Variants in CTNNA3 observed in about 807,000 individuals in gnomAD.
CTNNA3 encodes the protein catenin alpha 3.
Under a neutral mutation model 95.7 loss-of-function variants are expected in CTNNA3, and 76 were observed. The ratio of observed to expected loss-of-function variants is 0.79; its 90% CI spans 0.66 to 0.96. The LOEUF is 0.96. Among genes scored for constraint, CTNNA3 ranks in the 40% least tolerant of loss-of-function variants. The pLI is 0.00. For synonymous variants in CTNNA3, 431 were observed against 374.4 expected (o/e 1.15, Z -1.74); for missense variants, 1,191 against 1,089.8 (o/e 1.09, Z -1.31).
At chr10:66,271,513 A>G (rs573441694) in intron 13 of CTNNA3, among the ~76,000 whole-genome samples, 4 of 152,362 alleles carry the variant, frequency 2.6e-5, no homozygotes, top group African/African-American at 9.6e-5. Context: ...TTATAATAGT[A>G]TGACATTTAA....
intron 15 of CTNNA3, among the ~76,000 whole-genome samples, chr10:66,031,151 T>C (rs2079441733): frequency 6.6e-6 from 1 of 152,120 alleles, no homozygotes; most frequent in Non-Finnish European, 1.5e-5. Flanking sequence ...CGATTGGAGA[T>C]TCCTCAGAGA....
In CTNNA3 at chr10:66,094,384, AG is replaced by A. The variant is rs1185244781; in HGVS notation, c.1977+8772del. On this transcript the variant is annotated intron_variant, in intron 14 of 17. Transcript: ENST00000433211. ...GCAAGGGGTGACACTAAGACCTAAAAGGGCTTTTATGTATGATGATAGATGA... is the reference window on the plus strand; with the variant it reads ...GCAAGGGGTGACACTAAGACCTAAAAGGCTTTTATGTATGATGATAGATGA... Among the ~76,000 whole-genome samples, 90 of 152,228 alleles carry A rather than the reference AG, an allele frequency of 5.9e-4. 1 individual carries two copies. The highest frequency in any genetic ancestry group is 2.0e-3 in the African/African-American group (84 of 41,550).
At chr10:66,354,591 G>A (rs1480793692) in intron 12 of CTNNA3, among the ~76,000 whole-genome samples, 1 of 152,088 alleles carries the variant, frequency 6.6e-6, no homozygotes, top group Non-Finnish European at 1.5e-5. Flanking sequence ...GTCTTTTAGA[G>A]TAAGTGGATC....
At chr10:66,967,983 T>C (rs1350905495) in intron 7 of CTNNA3, among the ~76,000 whole-genome samples, 1 of 152,092 alleles carries the variant, frequency 6.6e-6, no homozygotes, top group African/African-American at 2.4e-5. Context: ...GCTACTGAAT[T>C]GGATTTGTCC....
chr10:67,422,599 G>A (rs764385819), intron 5 of CTNNA3, among the ~76,000 whole-genome samples: 2 of 152,050 alleles, frequency 1.3e-5, no homozygotes, highest in Non-Finnish European at 2.9e-5. Context: ...TCATGGGGGT[G>A]GATTTCCCCC....
chr10:66,593,186 A>C (rs893406614), intron 10 of CTNNA3, among the ~76,000 whole-genome samples: 3 of 152,270 alleles, frequency 2.0e-5, no homozygotes, highest in South Asian at 2.1e-4. Flanking sequence ...TTGCTTAGAC[A>C]TACTGAATTC....
intron 5 of CTNNA3, among the ~76,000 whole-genome samples, chr10:67,289,570 T>G (rs1237169157): frequency 1.3e-5 from 2 of 152,094 alleles, no homozygotes; most frequent in African/African-American, 4.8e-5. Context: ...TAAAGATCTC[T>G]TACCACAAAG....
At chr10:66,787,251 G>A (rs907711037) in intron 7 of CTNNA3, among the ~76,000 whole-genome samples, 1 of 151,448 alleles carries the variant, frequency 6.6e-6, no homozygotes, top group African/African-American at 2.4e-5. Context: ...TTGATGTCTC[G>A]ATCAGATCTG....
intron 10 of CTNNA3, among the ~76,000 whole-genome samples, chr10:66,620,132 A>C: frequency 6.6e-6 from 1 of 152,176 alleles, no homozygotes. Flanking sequence ...GAAATATGTG[A>C]CAAATTTGTT....
chr10:66,209,395 G>T (rs913340024), intron 13 of CTNNA3, among the ~76,000 whole-genome samples: 1 of 152,184 alleles, frequency 6.6e-6, no homozygotes, highest in East Asian at 1.9e-4. Context: ...ATGGGAGTCA[G>T]TTACAATTTT....
At chr10:67,336,904 T>G (rs182192369) in intron 5 of CTNNA3, among the ~76,000 whole-genome samples, 4 of 152,256 alleles carry the variant, frequency 2.6e-5, no homozygotes, top group Non-Finnish European at 5.9e-5. Flanking sequence ...GAAAAAAGAT[T>G]CCTTTCAAAA....
At chr10:66,579,343 G>A (rs1209923413) in intron 10 of CTNNA3, among the ~76,000 whole-genome samples, 1 of 151,840 alleles carries the variant, frequency 6.6e-6, no homozygotes, top group African/African-American at 2.4e-5. Flanking sequence ...AGAAGAATCA[G>A]TAGTATTTGC....
At chr10:67,390,329 C>A (rs1364231664) in intron 5 of CTNNA3, among the ~76,000 whole-genome samples, 1 of 152,180 alleles carries the variant, frequency 6.6e-6, no homozygotes, top group East Asian at 1.9e-4. Context: ...TTCCTCGACA[C>A]ATACACTCTC....
chr10:65,991,093 G>A (rs1276038627), intron 15 of CTNNA3, among the ~76,000 whole-genome samples: 1 of 151,846 alleles, frequency 6.6e-6, no homozygotes, highest in African/African-American at 2.4e-5. Context: ...TTATTTCTGG[G>A]TTCTTTATTG....
intron 2 of CTNNA3, among the ~76,000 whole-genome samples, chr10:67,634,697 A>T (rs539802368): frequency 6.6e-6 from 1 of 152,334 alleles, no homozygotes; most frequent in East Asian, 1.9e-4. Flanking sequence ...GACAAAATAG[A>T]CTTTAGAACA....
chr10:66,412,454 CTATTT>C (rs760081010), intron 11 of CTNNA3, among the ~76,000 whole-genome samples: 1 of 121,468 alleles, frequency 8.2e-6, no homozygotes. Flanking sequence ...GAGCCAAATA[CTATTT>C]TTTTTTTTTT....
chr10:66,443,807 G>C (rs913769228), intron 11 of CTNNA3, among the ~76,000 whole-genome samples: 1 of 152,128 alleles, frequency 6.6e-6, no homozygotes, highest in Non-Finnish European at 1.5e-5. Context: ...ACCAGCAACG[G>C]AACAAAGCTG....
At chr10:67,620,980 T>C (rs1295294304) in intron 2 of CTNNA3, among the ~76,000 whole-genome samples, 1 of 149,204 alleles carries the variant, frequency 6.7e-6, no homozygotes, top group African/African-American at 2.5e-5. Flanking sequence ...TGTATTCAAA[T>C]TCAGCTACAA....
intron 7 of CTNNA3, among the ~76,000 whole-genome samples, chr10:67,165,604 G>A (rs1162468330): frequency 6.6e-6 from 1 of 152,168 alleles, no homozygotes. Flanking sequence ...GAACCTCTCT[G>A]TGCTGTCTTT....
Sources: gnomAD v4.1 joint callset for allele counts (sites outside exome capture counted in the v4.1 genomes callset) on GRCh38, gnomAD v4.1.1 for gene constraint, MANE v1.5 for transcripts, NCBI Gene and HGNC (gene_info 2026-07-23, HGNC 2026-07-21) for gene names.